The following UPRT variants were observed in gnomAD, a reference collection of about 807,000 sequenced individuals.
The protein encoded by UPRT is uracil phosphoribosyltransferase homolog, also known as RP11-311P8.3.
A neutral mutation model predicts 22.6 loss-of-function variants in UPRT; 5 were observed. The ratio of observed to expected loss-of-function variants is 0.22; its 90% CI spans 0.12 to 0.47. UPRT has a LOEUF of 0.47. Among genes scored for constraint, UPRT ranks in the 20% least tolerant of loss-of-function variants. The pLI, the probability that UPRT is intolerant of heterozygous loss-of-function variation, is 0.99. For synonymous variants in UPRT, 77 were observed against 87.7 expected, an observed-to-expected ratio of 0.88 and a Z score of 0.68; for missense variants, 181 against 239.9, an observed-to-expected ratio of 0.75 and a Z score of 1.62.
intron 4 of UPRT, among the ~76,000 whole-genome samples, chrX:75,200,466 A>G (rs747425091): frequency 2.2e-4 from 25 of 111,795 alleles, no homozygotes; most frequent in South Asian, 3.8e-4. Flanking sequence ...ATGGTGGTGG[A>G]GACTGTAGTC....
chrX:75,291,274 A>T (rs1168553742), intron 1 of UPRT: 4 of 220,102 alleles, frequency 1.8e-5, no homozygotes, highest in African/African-American at 1.2e-4. Flanking sequence ...GGTTTTTTAG[A>T]TGTATTTAAA....
chrX:75,238,491 A>G (rs2082477608), intron 4 of UPRT, among the ~76,000 whole-genome samples: 1 of 111,887 alleles, frequency 8.9e-6, no homozygotes, highest in Admixed American at 9.6e-5. Context: ...AATATTTACT[A>G]CCAGACCTAA....
chrX:75,229,566 A>G (rs1426588488), intron 4 of UPRT, among the ~76,000 whole-genome samples: 1 of 112,061 alleles, frequency 8.9e-6, no homozygotes, highest in Non-Finnish European at 1.9e-5. Context: ...GAGGGGAAAA[A>G]GTCAGCCTCT....
At chrX:75,272,343 T>A (rs988613533), upstream of UPRT, among the ~76,000 whole-genome samples, 1 of 89,814 alleles carries the variant, frequency 1.1e-5, no homozygotes, top group Admixed American at 1.2e-4. Flanking sequence ...TATATATATA[T>A]ACACATATAT....
At chrX:75,225,813 C>G (rs995561548) in intron 4 of UPRT, among the ~76,000 whole-genome samples, 2 of 111,425 alleles carry the variant, frequency 1.8e-5, no homozygotes, top group Non-Finnish European at 3.8e-5. Context: ...TTTATTCCAT[C>G]CAGTCTCATG....
rs141612421 is a variant in UPRT, at chrX:75,257,335, C to T, written c.-446-33689C>T. Among the ~76,000 whole-genome samples the T allele has an allele frequency of 5.2e-3, 576 of 111,744 alleles. 2 individuals carry two copies. Among genetic ancestry groups the T allele is most frequent in the African/African-American group, 0.018 (553 of 30,754 alleles). On this transcript the variant is annotated intron_variant, in intron 4 of 13. Transcript: ENST00000652605. ...ATCCAGCCTCCCTTTATGATTGAAA[C>T]TTTCACGAAAACTGGCATAAAGGGG...
intron 6 of UPRT, among the ~76,000 whole-genome samples, chrX:75,302,188 G>A (rs1443652403): frequency 2.7e-5 from 3 of 111,053 alleles, no homozygotes; most frequent in Non-Finnish European, 5.7e-5. Flanking sequence ...TGATTACTTT[G>A]CTGTTTCATA....
intron 4 of UPRT, among the ~76,000 whole-genome samples, chrX:75,259,923 C>A (rs758447691): frequency 2.0e-4 from 22 of 112,188 alleles, no homozygotes; most frequent in African/African-American, 7.1e-4. Context: ...AGGAACCATA[C>A]AAGCCAGAAG....
intron 4 of UPRT, among the ~76,000 whole-genome samples, chrX:75,201,244 C>G (rs1569264805): frequency 1.8e-5 from 2 of 112,531 alleles, no homozygotes; most frequent in South Asian, 7.4e-4. Context: ...AAAGTCAATC[C>G]TATTTGCTTC....
At chrX:75,276,636 A>G (rs1422968808) in intron 1 of UPRT, among the ~76,000 whole-genome samples, 1 of 111,912 alleles carries the variant, frequency 8.9e-6, no homozygotes, top group Non-Finnish European at 1.9e-5. Flanking sequence ...GTACCAGTAG[A>G]TGGGTTCAGG....
At chrX:75,218,096 A>G (rs2147632934) in intron 4 of UPRT, among the ~76,000 whole-genome samples, 1 of 111,666 alleles carries the variant, frequency 9.0e-6, no homozygotes, top group South Asian at 3.8e-4. Context: ...CAGAGTGAAC[A>G]GGCAGCCTAC....
At chrX:75,200,319 C>T (rs1444777989) in intron 4 of UPRT, among the ~76,000 whole-genome samples, 1 of 112,416 alleles carries the variant, frequency 8.9e-6, no homozygotes, top group African/African-American at 3.2e-5. Flanking sequence ...TTTGGCTGGG[C>T]ATGGTGGCTC....
At chrX:75,181,912 T>C (rs1434263551) in intron 4 of UPRT, among the ~76,000 whole-genome samples, 5 of 111,748 alleles carry the variant, frequency 4.5e-5, no homozygotes, top group African/African-American at 1.6e-4. Context: ...GAGGGCATTC[T>C]TGTCTTGTTC....
intron 4 of UPRT, among the ~76,000 whole-genome samples, chrX:75,185,335 G>T (rs138068007): frequency 1.8e-5 from 2 of 111,625 alleles, no homozygotes; most frequent in Admixed American, 9.5e-5. Flanking sequence ...ATTGATTTGC[G>T]TATATTGAAC....
intron 1 of UPRT, among the ~76,000 whole-genome samples, chrX:75,281,379 A>C (rs1441961704): frequency 9.0e-6 from 1 of 111,318 alleles, no homozygotes. Context: ...TTCCCCATTT[A>C]GTATTATGTT....
At chrX:75,262,309 G>C (rs943641827) in intron 4 of UPRT, among the ~76,000 whole-genome samples, 1 of 111,492 alleles carries the variant, frequency 9.0e-6, no homozygotes, top group African/African-American at 3.3e-5. Context: ...AGAACAACCA[G>C]TGCCAGCCAC....
rs746631481 is a variant in UPRT at position 75,161,966 on chromosome X, G to C, written c.-614-1166G>C. ...ACAAAAATAATCTTGTGGGAATTTCGTAGGACTGTGGGACCCCATGTAGAT... is the reference window on the plus strand; with the variant it reads ...ACAAAAATAATCTTGTGGGAATTTCCTAGGACTGTGGGACCCCATGTAGAT... On this transcript the variant is annotated intron_variant, in intron 2 of 13. Transcript: ENST00000652605. Among the ~76,000 whole-genome samples the C allele has an allele frequency of 5.4e-5, 6 of 111,556 alleles. No individual in the cohort carries two copies. In the East Asian group the frequency reaches 1.4e-3, roughly 26 times the overall value.
intron 4 of UPRT, among the ~76,000 whole-genome samples, chrX:75,186,272 G>A (rs5981795): frequency 0.013 from 1,447 of 111,473 alleles, 17 homozygotes; most frequent in African/African-American, 0.044. Flanking sequence ...CCGTCATTTC[G>A]TTATGTACCC....
chrX:75,211,729 A>T (rs2082380694), intron 4 of UPRT, among the ~76,000 whole-genome samples: 1 of 111,448 alleles, frequency 9.0e-6, no homozygotes, highest in Non-Finnish European at 1.9e-5. Context: ...GCAAGAGAAG[A>T]CTTACCTGTT....
Sources: gnomAD v4.1 joint callset for allele counts (sites outside exome capture counted in the v4.1 genomes callset) on GRCh38, gnomAD v4.1.1 for gene constraint, MANE v1.5 for transcripts, NCBI Gene and HGNC (gene_info 2026-07-23, HGNC 2026-07-21) for gene names.